The following OPCML variants were observed in gnomAD, a reference collection of about 807,000 sequenced individuals.
OPCML encodes the protein opioid-binding protein/cell adhesion molecule.
OPCML carries 13 observed loss-of-function variants against 37.8 expected under a neutral mutation model. That is an observed-to-expected ratio of 0.34 (90% CI 0.22 to 0.55). The LOEUF (loss-of-function observed/expected upper bound fraction) is 0.55, where lower values mean the gene tolerates loss of function less well. Ranked by LOEUF, OPCML falls within the 20% of genes least tolerant of loss-of-function variation. The probability of loss-of-function intolerance (pLI) is 0.91; values close to 1 mark genes in which losing one functional copy is unlikely to be tolerated. For synonymous variants in OPCML, 176 were observed against 168.8 expected, an observed-to-expected ratio of 1.04 and a Z score of -0.33; for missense variants, 341 against 435.6, an observed-to-expected ratio of 0.78 and a Z score of 1.93.
rs1241658148 is a variant in OPCML at position 132,915,477 on chromosome 11, G to T, written c.146+27449C>A. Among the ~76,000 whole-genome samples the T allele has an allele frequency of 3.3e-5, 5 of 152,194 alleles. No individual in the cohort carries two copies. In the East Asian group the frequency reaches 9.6e-4, roughly 29 times the overall value. The stretch of plus-strand genomic sequence containing the variant: ...TCCTTCTGGGATTGGACCATCAGAA[G>T]TACATCCCAAGAGTTTTTCTAAATT... On this transcript the variant is annotated intron_variant, in intron 2 of 7. Coordinates refer to ENST00000524381, the MANE Select transcript of OPCML (RefSeq NM_001012393.5).
Position 133,397,889 on chromosome 11 carries a change from C to T in OPCML, c.61+134375G>A, listed in dbSNP as rs187468563. Among the ~76,000 whole-genome samples, 153 of 152,352 alleles carry T rather than the reference C, an allele frequency of 1.0e-3. 1 individual carries two copies. Among genetic ancestry groups the T allele is most frequent in the Non-Finnish European group, 1.6e-3 (109 of 68,036 alleles). ...ATCCTTTGAAAAGGTAGAGGCATTA[C>T]ATTAAATCCTGATTTGGTGAAGGCA... On this transcript the variant is annotated intron_variant, in intron 1 of 7. Transcript: ENST00000524381.
intron 1 of OPCML, among the ~76,000 whole-genome samples, chr11:133,347,150 C>T (rs1366490506): frequency 6.6e-6 from 1 of 152,164 alleles, no homozygotes; most frequent in South Asian, 2.1e-4. Flanking sequence ...TTCATTTGCT[C>T]TTCAAAACTT....
intron 1 of OPCML, among the ~76,000 whole-genome samples, chr11:133,402,930 C>T (rs903185178): frequency 6.6e-6 from 1 of 152,188 alleles, no homozygotes; most frequent in Non-Finnish European, 1.5e-5. Context: ...TCTGCCCAAA[C>T]TGGTCTGGAA....
At chr11:132,875,044 A>G (rs2136407421) in intron 2 of OPCML, among the ~76,000 whole-genome samples, 1 of 152,344 alleles carries the variant, frequency 6.6e-6, no homozygotes, top group African/African-American at 2.4e-5. Context: ...AATCTACGCA[A>G]GTTTTTAAGC....
chr11:133,391,173 T>A (rs1945166832), intron 1 of OPCML, among the ~76,000 whole-genome samples: 1 of 152,172 alleles, frequency 6.6e-6, no homozygotes, highest in Non-Finnish European at 1.5e-5. Flanking sequence ...AGACACGGCA[T>A]ACACGTGGCC....
At chr11:133,462,721 G>T (rs1007069230) in intron 1 of OPCML, among the ~76,000 whole-genome samples, 3 of 152,072 alleles carry the variant, frequency 2.0e-5, no homozygotes, top group African/African-American at 7.2e-5. Context: ...AATCCTCGTA[G>T]CATTGCTGGT....
intron 1 of OPCML, among the ~76,000 whole-genome samples, chr11:133,207,746 A>G (rs984537383): frequency 1.3e-5 from 2 of 152,206 alleles, no homozygotes; most frequent in Non-Finnish European, 2.9e-5. Flanking sequence ...GGAAGAAGGC[A>G]GATTGTCAAA....
intron 2 of OPCML, among the ~76,000 whole-genome samples, chr11:132,871,345 C>G (rs553268465): frequency 1.1e-4 from 16 of 152,162 alleles, no homozygotes; most frequent in Admixed American, 2.0e-4. Flanking sequence ...ACATGTACCC[C>G]ATAAATATGT....
At chr11:133,066,335 C>T (rs1029763916) in intron 1 of OPCML, 4 of 152,218 alleles carry the variant, frequency 2.6e-5, no homozygotes, top group Non-Finnish European at 4.4e-5. Context: ...ATGCTGAAGA[C>T]GCCTTTAAAA....
At chr11:133,506,514 C>G (rs1263435514) in intron 1 of OPCML, among the ~76,000 whole-genome samples, 1 of 152,190 alleles carries the variant, frequency 6.6e-6, no homozygotes, top group African/African-American at 2.4e-5. Context: ...CTCTGCTCCT[C>G]TACCTGCTCT....
intron 1 of OPCML, among the ~76,000 whole-genome samples, chr11:133,221,886 C>A (rs570777094): frequency 2.7e-4 from 41 of 152,298 alleles, no homozygotes; most frequent in Non-Finnish European, 5.0e-4. Context: ...TCAGAGCAGA[C>A]ACCAAGGATC....
At chr11:133,098,901 T>C (rs12294492) in intron 1 of OPCML, among the ~76,000 whole-genome samples, 68,505 of 152,042 alleles carry the variant, frequency 0.45, 17,428 homozygotes, top group Admixed American at 0.57. Context: ...GCAGATGACA[T>C]GATCATCTAT....
At chr11:132,586,407 G>A (rs766537612) in intron 3 of OPCML, among the ~76,000 whole-genome samples, 5 of 152,150 alleles carry the variant, frequency 3.3e-5, no homozygotes, top group Non-Finnish European at 5.9e-5. Flanking sequence ...TAACCAAATA[G>A]TAACTCTCAT....
intron 1 of OPCML, among the ~76,000 whole-genome samples, chr11:133,106,479 C>G (rs1949159189): frequency 6.6e-6 from 1 of 152,204 alleles, no homozygotes; most frequent in Admixed American, 6.5e-5. Context: ...AGCTTTTATG[C>G]ACATCGCATC....
chr11:133,219,920 G>A (rs1385244324), intron 1 of OPCML, among the ~76,000 whole-genome samples: 4 of 152,270 alleles, frequency 2.6e-5, no homozygotes, highest in East Asian at 1.9e-4. Flanking sequence ...TGCCAGTGGC[G>A]CTAAGATTGA....
At chr11:132,986,201 C>T (rs1034926311) in intron 1 of OPCML, among the ~76,000 whole-genome samples, 1 of 152,070 alleles carries the variant, frequency 6.6e-6, no homozygotes, top group African/African-American at 2.4e-5. Flanking sequence ...CTAACTAAGC[C>T]ATTATTTTAT....
At chr11:132,675,218 T>A (rs1439377440) in intron 2 of OPCML, among the ~76,000 whole-genome samples, 1 of 150,518 alleles carries the variant, frequency 6.6e-6, no homozygotes, top group Non-Finnish European at 1.5e-5. Flanking sequence ...TATATATATA[T>A]AAAACGTTAT....
chr11:132,599,583 GA>G (rs1312594000), intron 3 of OPCML, among the ~76,000 whole-genome samples: 5 of 152,116 alleles, frequency 3.3e-5, no homozygotes, highest in African/African-American at 1.2e-4. Context: ...CTCATTTTCT[GA>G]CAGGCTTTGG....
At chr11:133,271,244 A>AAAG (rs1941821179) in intron 1 of OPCML, among the ~76,000 whole-genome samples, 1 of 152,220 alleles carries the variant, frequency 6.6e-6, no homozygotes, top group African/African-American at 2.4e-5. Context: ...AAGTATCTCA[A>AAAG]TATCCCAGAA....
Sources: allele counts gnomAD v4.1 joint callset (sites outside exome capture counted in the v4.1 genomes callset), GRCh38; gene constraint gnomAD v4.1.1; transcripts MANE v1.5; gene names NCBI Gene and HGNC (gene_info 2026-07-23, HGNC 2026-07-21).